The following TRMT9B variants were observed in gnomAD, a reference collection of about 807,000 sequenced individuals.
TRMT9B encodes tRNA methyltransferase 9B (putative).
Under a neutral mutation model 11.5 loss-of-function variants are expected in TRMT9B, and 16 were observed. That is an observed-to-expected ratio of 1.39 (90% confidence interval 0.94 to 2.11). The LOEUF is 2.11. Ranked by LOEUF, TRMT9B falls within the 30% of genes most tolerant of loss-of-function variation. The pLI, the probability that TRMT9B is intolerant of heterozygous loss-of-function variation, is 0.00. For synonymous variants in TRMT9B, 274 were observed against 192.4 expected, an observed-to-expected ratio of 1.42 and a Z score of -3.51; for missense variants, 941 against 553.8, an observed-to-expected ratio of 1.70 and a Z score of -7.02.
At chr8:13,008,357 G>C (rs2128891959) in intron 3 of TRMT9B, among the ~76,000 whole-genome samples, 1 of 152,312 alleles carries the variant, frequency 6.6e-6, no homozygotes, top group Admixed American at 6.5e-5. Flanking sequence ...TGTACAAATG[G>C]AGAAATTGTG....
chr8:12,957,632 G>A (rs1465092692), intron 1 of TRMT9B, among the ~76,000 whole-genome samples: 1 of 152,148 alleles, frequency 6.6e-6, no homozygotes, highest in Non-Finnish European at 1.5e-5. Context: ...TGATTGCCCT[G>A]AATACAGAAG....
chr8:13,005,188 G>C (rs1810232767), intron 2 of TRMT9B, among the ~76,000 whole-genome samples: 3 of 152,064 alleles, frequency 2.0e-5, no homozygotes, highest in African/African-American at 7.2e-5. Context: ...GTCAGGCACA[G>C]AAAGACAGGC....
At chr8:13,011,324 C>T in intron 3 of TRMT9B, 1 of 985,278 alleles carries the variant, frequency 1.0e-6, no homozygotes, top group Non-Finnish European at 1.2e-6. Context: ...TCCACTGTCT[C>T]AGCTGGCATT....
intron 1 of TRMT9B, among the ~76,000 whole-genome samples, chr8:12,990,412 G>A (rs941572497): frequency 2.6e-5 from 4 of 152,062 alleles, no homozygotes; most frequent in Admixed American, 6.6e-5. Flanking sequence ...GAATAACTAC[G>A]AGTACTTATC....
chr8:12,954,494 A>G (rs1278014768), intron 1 of TRMT9B, among the ~76,000 whole-genome samples: 1 of 152,228 alleles, frequency 6.6e-6, no homozygotes, highest in Non-Finnish European at 1.5e-5. Flanking sequence ...GTGTTTTTAA[A>G]CAGGAATTGA....
At chr8:12,984,979 A>C (rs989318416) in intron 1 of TRMT9B, among the ~76,000 whole-genome samples, 1 of 144,254 alleles carries the variant, frequency 6.9e-6, no homozygotes, top group African/African-American at 2.9e-5. Context: ...ACACACACAC[A>C]CACACACACT....
chr8:12,995,412 C>G (rs1363966366), intron 2 of TRMT9B, among the ~76,000 whole-genome samples: 1 of 152,100 alleles, frequency 6.6e-6, no homozygotes, highest in Non-Finnish European at 1.5e-5. Flanking sequence ...ACCTTTTCTT[C>G]TCTCTGTTCT....
intron 1 of TRMT9B, chr8:12,952,222 G>T: frequency 6.7e-6 from 3 of 449,672 alleles, no homozygotes; most frequent in South Asian, 4.7e-5. Context: ...CACTGACAAT[G>T]GTCTGCATAG....
chr8:13,015,232 A>AT (rs1212183150), intron 4 of TRMT9B, among the ~76,000 whole-genome samples: 3 of 151,414 alleles, frequency 2.0e-5, no homozygotes, highest in Non-Finnish European at 4.4e-5. Context: ...TTTTATTTTT[A>AT]TTTTTTATTT....
At chr8:13,000,061 G>A (rs1461073183) in intron 2 of TRMT9B, among the ~76,000 whole-genome samples, 1 of 151,986 alleles carries the variant, frequency 6.6e-6, no homozygotes, top group Non-Finnish European at 1.5e-5. Context: ...ATTCCTTTTG[G>A]TGGGTGGGAT....
At chr8:13,002,802 A>T (rs756684444) in intron 2 of TRMT9B, among the ~76,000 whole-genome samples, 1 of 152,162 alleles carries the variant, frequency 6.6e-6, no homozygotes, top group Non-Finnish European at 1.5e-5. Flanking sequence ...TACAGGGAAG[A>T]CACCGTCTTA....
chr8:12,989,463 G>C (rs113721879), intron 1 of TRMT9B, among the ~76,000 whole-genome samples: 10 of 152,152 alleles, frequency 6.6e-5, no homozygotes, highest in Non-Finnish European at 1.5e-4. Flanking sequence ...TGATTTGGGC[G>C]TATAGACAAG....
chr8:12,986,819 C>T (rs1563365084), intron 1 of TRMT9B, among the ~76,000 whole-genome samples: 1 of 152,150 alleles, frequency 6.6e-6, no homozygotes, highest in Non-Finnish European at 1.5e-5. Context: ...CTTAATATCC[C>T]TTCATTTCAA....
chr8:12,979,182 G>A lies in TRMT9B; in HGVS notation c.-199-11652G>A, dbSNP rs573826815. Among the ~76,000 whole-genome samples the A allele has an allele frequency of 2.0e-5, 3 of 152,300 alleles. 1 individual carries two copies. In the South Asian group the frequency reaches 6.2e-4, roughly 32 times the overall value. ...TAAGCGTTGTCCTTTTCAGGGGAGT[G>A]ACCTAGTGCTGCATCCAAAAATTCT... On this transcript the variant is annotated intron_variant, in intron 1 of 4. Coordinates refer to ENST00000524591, the MANE Select transcript of TRMT9B (RefSeq NM_020844.3).
At chr8:12,980,858 T>C (rs892325840) in intron 1 of TRMT9B, among the ~76,000 whole-genome samples, 1 of 152,184 alleles carries the variant, frequency 6.6e-6, no homozygotes. Flanking sequence ...CAAGCCCGGA[T>C]GGAAGAGCAG....
At chr8:13,020,456 T>G (rs1813615474) in intron 4 of TRMT9B, among the ~76,000 whole-genome samples, 1 of 152,204 alleles carries the variant, frequency 6.6e-6, no homozygotes, top group African/African-American at 2.4e-5. Flanking sequence ...CTATTTTATA[T>G]CTTATTATAA....
intron 2 of TRMT9B, among the ~76,000 whole-genome samples, chr8:12,996,640 T>C (rs1808394127): frequency 6.6e-6 from 1 of 152,198 alleles, no homozygotes; most frequent in Non-Finnish European, 1.5e-5. Context: ...CTCTGCTCAG[T>C]TTTAAGTTCT....
At chr8:12,988,062 T>G (rs1304470679) in intron 1 of TRMT9B, among the ~76,000 whole-genome samples, 1 of 152,248 alleles carries the variant, frequency 6.6e-6, no homozygotes, top group African/African-American at 2.4e-5. Flanking sequence ...GTGTTGCTGT[T>G]ATTGCTGTTG....
intron 1 of TRMT9B, chr8:12,959,974 G>C (rs1327587517): frequency 2.0e-5 from 3 of 152,230 alleles, no homozygotes; most frequent in African/African-American, 7.2e-5. Flanking sequence ...GTAGACACCT[G>C]AATGCCAGTG....
Sources: gnomAD v4.1 joint callset for allele counts (sites outside exome capture counted in the v4.1 genomes callset) on GRCh38, gnomAD v4.1.1 for gene constraint, MANE v1.5 for transcripts, NCBI Gene and HGNC (gene_info 2026-07-23, HGNC 2026-07-21) for gene names.